TMEM132D: variants seen among roughly 807,000 people sequenced by gnomAD.
TMEM132D encodes the protein mature OL transmembrane protein.
A neutral mutation model predicts 62.3 loss-of-function variants in TMEM132D; 21 were observed. That is an observed-to-expected ratio of 0.34 (90% CI 0.24 to 0.49). TMEM132D has a LOEUF of 0.49. Ranked by LOEUF, TMEM132D falls within the 20% of genes least tolerant of loss-of-function variation. The pLI is 0.99. For missense variants in TMEM132D, 1,346 were observed against 1,402.8 expected, an observed-to-expected ratio of 0.96 and a Z score of 0.65; for synonymous variants, 621 against 575.6, an observed-to-expected ratio of 1.08 and a Z score of -1.13.
intron 4 of TMEM132D, among the ~76,000 whole-genome samples, chr12:129,309,467 A>G (rs186514504): frequency 2.6e-5 from 4 of 152,282 alleles, no homozygotes; most frequent in African/African-American, 9.6e-5. Context: ...TTTTATAATA[A>G]TACACAAGGG....
intron 3 of TMEM132D, among the ~76,000 whole-genome samples, chr12:129,503,150 G>T (rs1243299574): frequency 6.6e-6 from 1 of 152,178 alleles, no homozygotes; most frequent in African/African-American, 2.4e-5. Context: ...GAAGATTCTT[G>T]TTACAGCTGA....
chr12:129,254,658 T>A (rs1236404933), intron 4 of TMEM132D, among the ~76,000 whole-genome samples: 4 of 152,166 alleles, frequency 2.6e-5, no homozygotes, highest in Admixed American at 2.0e-4. Flanking sequence ...TGCTTATCCT[T>A]AGAGGGGTAC....
At chr12:129,406,374 A>G (rs562098991) in intron 3 of TMEM132D, among the ~76,000 whole-genome samples, 1 of 152,324 alleles carries the variant, frequency 6.6e-6, no homozygotes, top group Non-Finnish European at 1.5e-5. Flanking sequence ...TAATCCCACC[A>G]CTTTGGGAGG....
chr12:129,376,300 G>A (rs1250454472), intron 3 of TMEM132D, among the ~76,000 whole-genome samples: 1 of 152,138 alleles, frequency 6.6e-6, no homozygotes, highest in South Asian at 2.1e-4. Flanking sequence ...TGGGGAGGCT[G>A]CAGAAAACTT....
intron 4 of TMEM132D, among the ~76,000 whole-genome samples, chr12:129,247,232 C>A (rs1420276998): frequency 6.6e-6 from 1 of 152,112 alleles, no homozygotes; most frequent in Non-Finnish European, 1.5e-5. Context: ...TGGGGTTAGT[C>A]GTTGGGGTTG....
In TMEM132D at chr12:129,171,166, G is replaced by T. The variant is rs536408258; in HGVS notation, c.1443+38354C>A. The stretch of plus-strand genomic sequence containing the variant: ...CTAAGACCTTTGTTGTCATTTCAAC[G>T]ACGTTCACAGTATCTTCCCCAGGAG... On this transcript the variant is annotated intron_variant, in intron 5 of 8. Transcript: ENST00000422113. Among the ~76,000 whole-genome samples the T allele has an allele frequency of 6.6e-5, 10 of 152,296 alleles. No homozygotes were observed. The South Asian group carries it at 2.1e-3, about 32-fold the overall frequency.
intron 4 of TMEM132D, among the ~76,000 whole-genome samples, chr12:129,232,252 G>A (rs1189651165): frequency 6.6e-6 from 1 of 152,278 alleles, no homozygotes; most frequent in East Asian, 1.9e-4. Flanking sequence ...ATTCCAGAGT[G>A]CCTTCTACTC....
chr12:129,645,325 C>T (rs1481830308), intron 2 of TMEM132D, among the ~76,000 whole-genome samples: 1 of 152,156 alleles, frequency 6.6e-6, no homozygotes, highest in Non-Finnish European at 1.5e-5. Context: ...GATTTTCCAA[C>T]ATAACCTGAT....
intron 5 of TMEM132D, among the ~76,000 whole-genome samples, chr12:129,158,996 T>C (rs973567988): frequency 6.6e-6 from 1 of 152,198 alleles, no homozygotes; most frequent in Non-Finnish European, 1.5e-5. Context: ...CAAGAATGCA[T>C]GGGAGAAACC....
At chr12:129,758,886 T>C (rs1593150345) in intron 1 of TMEM132D, among the ~76,000 whole-genome samples, 1 of 152,246 alleles carries the variant, frequency 6.6e-6, no homozygotes, top group South Asian at 2.1e-4. Context: ...CTGAATCAAT[T>C]GAAAGGCAAT....
intron 6 of TMEM132D, 109 bp from the exon 7 acceptor site, chr12:129,082,141 AAGG>A: frequency 7.3e-7 from 1 of 1,378,720 alleles, no homozygotes; most frequent in South Asian, 1.4e-5. Flanking sequence ...ATGAGACTTC[AAGG>A]AGTTTATAGC....
intron 3 of TMEM132D, among the ~76,000 whole-genome samples, chr12:129,453,629 C>A (rs1186836650): frequency 6.6e-6 from 1 of 152,194 alleles, no homozygotes; most frequent in Admixed American, 6.5e-5. Flanking sequence ...TTCACCTGTG[C>A]ACGAACGCTG....
At chr12:129,581,005 C>T (rs999068804) in intron 2 of TMEM132D, among the ~76,000 whole-genome samples, 2 of 152,196 alleles carry the variant, frequency 1.3e-5, no homozygotes. Flanking sequence ...ATCTGACCCT[C>T]CAAACTTCAT....
At chr12:129,426,102 T>C (rs1345124548) in intron 3 of TMEM132D, among the ~76,000 whole-genome samples, 1 of 152,212 alleles carries the variant, frequency 6.6e-6, no homozygotes, top group Non-Finnish European at 1.5e-5. Context: ...TTCAGCTGCC[T>C]GTAACTCAAA....
intron 1 of TMEM132D, among the ~76,000 whole-genome samples, chr12:129,845,171 T>C (rs991186615): frequency 2.0e-5 from 3 of 152,230 alleles, no homozygotes; most frequent in Non-Finnish European, 2.9e-5. Context: ...AATTAATATG[T>C]ATGGATACAT....
intron 2 of TMEM132D, among the ~76,000 whole-genome samples, chr12:129,582,734 T>C (rs772619754): frequency 2.6e-5 from 4 of 151,688 alleles, no homozygotes; most frequent in Admixed American, 6.6e-5. Context: ...TTCTCCTGCC[T>C]CACCTTCCCA....
intron 1 of TMEM132D, among the ~76,000 whole-genome samples, chr12:129,813,203 C>T (rs1467831402): frequency 6.6e-6 from 1 of 151,774 alleles, no homozygotes; most frequent in Non-Finnish European, 1.5e-5. Flanking sequence ...CCACAGTGGT[C>T]ACTCTAGTCC....
chr12:129,531,028 C>T (rs1876203231), intron 3 of TMEM132D, 31 bp downstream of exon 3: 2 of 1,556,142 alleles, frequency 1.3e-6, no homozygotes, highest in Non-Finnish European at 1.7e-6. Flanking sequence ...TGCAGCTGAT[C>T]TGAATATATC....
intron 2 of TMEM132D, among the ~76,000 whole-genome samples, chr12:129,684,639 C>T (rs1012068857): frequency 4.6e-5 from 7 of 151,922 alleles, no homozygotes; most frequent in African/African-American, 1.7e-4. Flanking sequence ...TTGGAGGGCT[C>T]AGAAGAAGAA....
Sources: allele counts gnomAD v4.1 joint callset (sites outside exome capture counted in the v4.1 genomes callset), GRCh38; gene constraint gnomAD v4.1.1; transcripts MANE v1.5; gene names NCBI Gene and HGNC (gene_info 2026-07-23, HGNC 2026-07-21).